DOCK11: variants seen among roughly 807,000 people sequenced by gnomAD.
The protein encoded by DOCK11 is dedicator of cytokinesis protein 11.
A neutral mutation model predicts 169.1 loss-of-function variants in DOCK11; 70 were observed. The ratio of observed to expected loss-of-function variants is 0.41; its 90% CI spans 0.34 to 0.51. The LOEUF (loss-of-function observed/expected upper bound fraction) is 0.51. Among genes scored for constraint, DOCK11 ranks in the 20% least tolerant of loss-of-function variants. The probability of loss-of-function intolerance (pLI) is 0.10; values close to 1 mark genes in which losing one functional copy is unlikely to be tolerated. For synonymous variants in DOCK11, 529 were observed against 541.3 expected (o/e 0.98, Z 0.32); for missense variants, 1,166 against 1,538.8 (o/e 0.76, Z 4.05).
In DOCK11 at chrX:118,608,432, T is replaced by C; in HGVS notation, c.2877+76T>C. The C allele has an allele frequency of 7.4e-6, 8 of 1,076,674 alleles. No homozygotes were observed. In the South Asian group the frequency reaches 1.7e-4, roughly 22 times the overall value. The allele number at this position is 1,076,674 out of a possible 1,213,427, so 88.7% of individuals were successfully genotyped here. A position where few individuals can be genotyped will look rare whatever the true frequency, so the allele number is the denominator to read the frequency against. ...TTTTGATACCCTCCCGTTTCACTTC[T>C]AGTCTTTCATCAGTTTCACATGTGA... On this transcript the variant is annotated intron_variant, in intron 26 of 52. Transcript: ENST00000276202.
In DOCK11 at chrX:118,681,753, G is replaced by A; in HGVS notation, c.5922G>A (p.Lys1974=). The part of the protein sequence containing the change: ...RAFLNDSQAS[K]YPPKKVSELK... The stretch of plus-strand genomic sequence containing the variant: ...TCTTAAATGACAGCCAAGCTAGCAA[G>A]TATCCACCTAAGAAAGTGAGTGAGT... The change falls in exon 51 of 53, where the codon AAG becomes AAA. Residue 1974 remains lysine, a synonymous_variant. Transcript: ENST00000276202. 1 of 1,207,466 alleles carries A rather than the reference G, an allele frequency of 8.3e-7. No homozygotes were observed. Among genetic ancestry groups the A allele is most frequent in the Non-Finnish European group, 1.1e-6 (1 of 893,458 alleles).
intron 32 of DOCK11, among the ~76,000 whole-genome samples, chrX:118,627,285 A>G (rs919529102): frequency 1.8e-5 from 2 of 111,080 alleles, no homozygotes; most frequent in African/African-American, 6.5e-5. Flanking sequence ...GCAGCTATCT[A>G]GAATTATGTC....
intron 13 of DOCK11, 93 bp from the exon 14 acceptor site, chrX:118,580,004 G>A (rs1326673906): frequency 7.0e-6 from 5 of 712,722 alleles, no homozygotes; most frequent in Non-Finnish European, 1.0e-5. Context: ...GATTTTTGAT[G>A]TTTTGTAATG....
intron 37 of DOCK11, 109 bp from the exon 38 acceptor site, chrX:118,639,326 G>A (rs929643000): frequency 1.3e-6 from 1 of 772,757 alleles, no homozygotes; most frequent in Non-Finnish European, 1.8e-6. Flanking sequence ...TAATCCTTGA[G>A]TGTACTACTA....
chrX:118,555,752 T>C (rs2147365921), intron 6 of DOCK11, among the ~76,000 whole-genome samples: 1 of 110,572 alleles, frequency 9.0e-6, no homozygotes, highest in Non-Finnish European at 1.9e-5. Flanking sequence ...TCTTTCATTT[T>C]TGTGCAGAAC....
At chrX:118,512,301 T>A (rs2057655465) in intron 1 of DOCK11, among the ~76,000 whole-genome samples, 1 of 111,773 alleles carries the variant, frequency 8.9e-6, no homozygotes, top group Non-Finnish European at 1.9e-5. Flanking sequence ...ACTGAAGGAT[T>A]AAAAAGGGGC....
intron 13 of DOCK11, 43 bp downstream of exon 13, chrX:118,578,690 GA>G: frequency 8.7e-7 from 1 of 1,152,234 alleles, no homozygotes; most frequent in Non-Finnish European, 1.2e-6. Flanking sequence ...CCTTAACGTA[GA>G]ATTTGCCTTT....
intron 35 of DOCK11, among the ~76,000 whole-genome samples, chrX:118,634,464 G>T (rs2015332392): frequency 8.9e-6 from 1 of 112,562 alleles, no homozygotes; most frequent in Admixed American, 9.4e-5. Context: ...AGCTACCTTA[G>T]GACATGGGGC....
intron 41 of DOCK11, 82 bp from the exon 42 acceptor site, chrX:118,651,882 G>A: frequency 1.6e-6 from 1 of 626,080 alleles, no homozygotes; most frequent in Non-Finnish European, 2.5e-6. Context: ...TCATGTGAGT[G>A]CTTATATACT....
chrX:118,531,545 GTATATA>G (rs200395078), intron 1 of DOCK11, among the ~76,000 whole-genome samples: 29 of 97,106 alleles, frequency 3.0e-4, no homozygotes, highest in African/African-American at 9.6e-4. Flanking sequence ...TTTGAAGTGT[GTATATA>G]TATATATATA....
intron 48 of DOCK11, among the ~76,000 whole-genome samples, chrX:118,678,834 G>C (rs750877221): frequency 1.8e-5 from 2 of 109,076 alleles, no homozygotes; most frequent in Admixed American, 2.0e-4. Context: ...GCTGTGGCAC[G>C]ATCACAGCTC....
At chrX:118,602,094 CTT>C (rs536697143) in intron 23 of DOCK11, among the ~76,000 whole-genome samples, 15 of 74,638 alleles carry the variant, frequency 2.0e-4, no homozygotes, top group African/African-American at 3.9e-4. Context: ...CCGGCCAAGA[CTT>C]TTTTTTTTTT....
rs2016614668 is a variant in DOCK11, at chrX:118,676,602, A to T, written c.5325A>T (p.Glu1775Asp). ...TAACTTTATAATAGTCTTTTTTTGA[A>T]GAAGAAGATGGAAAGGAGTACATCT... is the stretch of plus-strand genomic sequence containing the variant. ...RVAFYGQSFF[E>D]EEDGKEYIYK... is the part of the protein sequence containing the mutation. The change falls in exon 48 of 53, where the codon GAA becomes GAT. Residue 1775 changes from glutamate (E) to aspartate (D), a missense_variant. Glu to Asp is a conservative substitution (Grantham distance 45). Transcript: ENST00000276202. 8.8e-7 allele frequency: 1 copy of T among 1,142,605 alleles called. No individual in the cohort carries two copies. The highest frequency in any genetic ancestry group is 1.2e-6 in the Non-Finnish European group (1 of 854,602). The allele number at this position is 1,142,605 out of a possible 1,213,427, so 94.2% of individuals were successfully genotyped here.
chrX:118,549,147 ACTT>A (rs888516100), intron 6 of DOCK11, among the ~76,000 whole-genome samples: 1 of 78,280 alleles, frequency 1.3e-5, no homozygotes, highest in Admixed American at 1.2e-4. Flanking sequence ...AACATATAAA[ACTT>A]TTTTTTTTTT....
intron 1 of DOCK11, among the ~76,000 whole-genome samples, chrX:118,542,519 TTTG>T (rs2012056753): frequency 8.9e-5 from 6 of 67,069 alleles, no homozygotes; most frequent in Non-Finnish European, 1.8e-4. Flanking sequence ...TGTGTGTGTG[TTTG>T]TGTGTGTGTG....
intron 31 of DOCK11, among the ~76,000 whole-genome samples, chrX:118,619,501 T>A (rs111386342): frequency 0.036 from 3,274 of 90,094 alleles, 112 homozygotes; most frequent in African/African-American, 0.09. Context: ...AAAAAAAATA[T>A]ATATATATAT....
intron 1 of DOCK11, among the ~76,000 whole-genome samples, chrX:118,500,150 G>A (rs1334946278): frequency 9.2e-6 from 1 of 108,699 alleles, no homozygotes; most frequent in Non-Finnish European, 1.9e-5. Flanking sequence ...CCGGGTTCAC[G>A]TCATTCTCCC....
chrX:118,630,273 T>C (rs2015203769), intron 34 of DOCK11, 106 bp from the exon 35 acceptor site: 1 of 469,821 alleles, frequency 2.1e-6, no homozygotes, highest in South Asian at 4.7e-5. Context: ...TTTAGATTTA[T>C]GTTTAGAATT....
intron 1 of DOCK11, among the ~76,000 whole-genome samples, chrX:118,497,793 A>T (rs2057547729): frequency 8.9e-6 from 1 of 112,689 alleles, no homozygotes. Flanking sequence ...ACACGTGAAG[A>T]AAGCTGTAGG....
Sources: gnomAD v4.1 joint callset for allele counts (sites outside exome capture counted in the v4.1 genomes callset) on GRCh38, gnomAD v4.1.1 for gene constraint, MANE v1.5 for transcripts, NCBI Gene and HGNC (gene_info 2026-07-23, HGNC 2026-07-21) for gene names.